MACROH2A1: variants seen among roughly 807,000 people sequenced by gnomAD.
The protein encoded by MACROH2A1 is macroH2A.1 histone.
MACROH2A1 carries 2 observed loss-of-function variants against 31.6 expected under a neutral mutation model. That is an observed-to-expected ratio of 0.06 (90% confidence interval 0.03 to 0.20). The LOEUF is 0.20. Ranked by LOEUF, MACROH2A1 falls within the 10% of genes least tolerant of loss-of-function variation. The pLI is 1.00. For missense variants in MACROH2A1, 230 were observed against 474.0 expected, an observed-to-expected ratio of 0.49 and a Z score of 4.78; for synonymous variants, 169 against 189.6, an observed-to-expected ratio of 0.89 and a Z score of 0.89.
intron 2 of MACROH2A1, among the ~76,000 whole-genome samples, chr5:135,383,574 C>A (rs1465370124): frequency 6.6e-6 from 1 of 152,100 alleles, no homozygotes; most frequent in Non-Finnish European, 1.5e-5. Flanking sequence ...AAGCCCCTGG[C>A]TCCTTTCCCG....
chr5:135,343,394 C>T lies in MACROH2A1; in HGVS notation c.819G>A (p.Val273=), dbSNP rs1282939441. 1 of 1,614,126 alleles carries T rather than the reference C, an allele frequency of 6.2e-7. No individual in the cohort carries two copies. Among genetic ancestry groups the T allele is most frequent in the Non-Finnish European group, 8.5e-7 (1 of 1,180,058 alleles). ...CCCAAACTGGACTATTACAGTGGATCACAAACTTGGCAGGCAGGCCATGGC... is the reference window on the plus strand; with the variant it reads ...CCCAAACTGGACTATTACAGTGGATTACAAACTTGGCAGGCAGGCCATGGC... The part of the protein sequence containing the change: ...SAGHGLPAKF[V]IHCNSPVWGA... Residue 273 remains valine, a synonymous_variant, in exon 8 of 9, where the codon GTG becomes GTA. Transcript: ENST00000511689.
chr5:135,334,940 G>C lies in MACROH2A1; in HGVS notation c.*36C>G, dbSNP rs1758399863. ...TTTTTTTTCTTTTAAACTGAAGGTG[G>C]GGTACATGGTGCAGCTGGTTCTGTC... On this transcript the variant is annotated 3_prime_UTR_variant, in exon 9 of 9. Transcript: ENST00000511689. The C allele has an allele frequency of 1.9e-6, 3 of 1,567,160 alleles. No homozygotes were observed. The highest frequency in any genetic ancestry group is 8.7e-7 in the Non-Finnish European group (1 of 1,145,310).
At chr5:135,351,010 G>C (rs1761464551) in intron 6 of MACROH2A1, 1 of 785,908 alleles carries the variant, frequency 1.3e-6, no homozygotes, top group Non-Finnish European at 2.1e-6. Flanking sequence ...GGCCTACCTG[G>C]TCGATTCCAA....
intron 2 of MACROH2A1, among the ~76,000 whole-genome samples, chr5:135,384,905 T>C (rs2149934903): frequency 6.6e-6 from 1 of 152,264 alleles, no homozygotes; most frequent in Non-Finnish European, 1.5e-5. Flanking sequence ...ATGCCCATAC[T>C]CTAAACCACC....
At chr5:135,335,706 C>T (rs1444217363) in intron 8 of MACROH2A1, among the ~76,000 whole-genome samples, 1 of 152,150 alleles carries the variant, frequency 6.6e-6, no homozygotes, top group Admixed American at 6.5e-5. Context: ...GGCTATCATC[C>T]AAGTTTCCAA....
Position 135,370,020 on chromosome 5 carries a change from TG to T in MACROH2A1, c.279+15del. 1 of 1,515,328 alleles carries T rather than the reference TG, an allele frequency of 6.6e-7. No homozygotes were observed. Among genetic ancestry groups the T allele is most frequent in the Non-Finnish European group, 9.2e-7 (1 of 1,090,916 alleles). 93.9% of individuals were successfully genotyped at this position (1,515,328 alleles called of 1,614,324 possible). The stretch of plus-strand genomic sequence containing the variant: ...CACCTGCTCAAACATCAGTGGGAGA[TG>T]GGAGAGGCCCATACCTGATTCAGCT... On this transcript the variant is annotated intron_variant, in intron 3 of 8. Transcript: ENST00000511689.
At chr5:135,363,175 C>T (rs757764740) in intron 4 of MACROH2A1, among the ~76,000 whole-genome samples, 1 of 151,684 alleles carries the variant, frequency 6.6e-6, no homozygotes, top group Non-Finnish European at 1.5e-5. Context: ...CACAGCAAAA[C>T]CCCACTGCTA....
chr5:135,359,496 C>T (rs769918012), intron 5 of MACROH2A1: 4 of 983,952 alleles, frequency 4.1e-6, no homozygotes, highest in Non-Finnish European at 3.6e-6. Context: ...AAAATGTAAA[C>T]AGTAATGGTT....
At chr5:135,355,454 G>A (rs887636230) in intron 5 of MACROH2A1, 3 of 342,950 alleles carry the variant, frequency 8.7e-6, no homozygotes, top group Non-Finnish European at 1.7e-5. Context: ...ACTATGCTCT[G>A]CTATGCACTG....
chr5:135,393,175 G>C (rs1767488754), intron 1 of MACROH2A1, among the ~76,000 whole-genome samples: 1 of 152,116 alleles, frequency 6.6e-6, no homozygotes, highest in Non-Finnish European at 1.5e-5. Context: ...CTCCCATCTT[G>C]TTACTCTCAC....
intron 6 of MACROH2A1, among the ~76,000 whole-genome samples, chr5:135,350,480 T>C (rs570955261): frequency 1.3e-5 from 2 of 152,164 alleles, no homozygotes; most frequent in Non-Finnish European, 2.9e-5. Flanking sequence ...GTCTTGGTTG[T>C]CACTCAGTCC....
intron 8 of MACROH2A1, among the ~76,000 whole-genome samples, chr5:135,337,668 A>G (rs1758999741): frequency 6.6e-6 from 1 of 152,274 alleles, no homozygotes; most frequent in African/African-American, 2.4e-5. Context: ...GCTGTTCTAC[A>G]AATAGCCAGC....
chr5:135,394,412 T>C (rs1467589744), intron 1 of MACROH2A1, among the ~76,000 whole-genome samples: 1 of 152,084 alleles, frequency 6.6e-6, no homozygotes, highest in Non-Finnish European at 1.5e-5. Context: ...GACTCCAACC[T>C]TGTGCACAGG....
At chr5:135,339,460 A>G (rs1174567737) in intron 8 of MACROH2A1, among the ~76,000 whole-genome samples, 1 of 152,176 alleles carries the variant, frequency 6.6e-6, no homozygotes, top group Admixed American at 6.5e-5. Context: ...GGTATGCAGC[A>G]AATCCAGGCT....
chr5:135,388,817 G>T, intron 2 of MACROH2A1, 105 bp downstream of exon 2: 1 of 946,166 alleles, frequency 1.1e-6, no homozygotes, highest in Non-Finnish European at 1.6e-6. Context: ...TTTTCTGTAG[G>T]TTTGAGCTGT....
At chr5:135,361,813 C>G (rs1005670067) in intron 4 of MACROH2A1, 1 of 152,210 alleles carries the variant, frequency 6.6e-6, no homozygotes, top group African/African-American at 2.4e-5. Flanking sequence ...AAAGTAAGGT[C>G]TACTTTTGCT....
intron 8 of MACROH2A1, among the ~76,000 whole-genome samples, chr5:135,337,631 C>G (rs1410504420): frequency 1.3e-5 from 2 of 152,258 alleles, no homozygotes; most frequent in East Asian, 3.8e-4. Flanking sequence ...CAGTTTGATT[C>G]AGCAGGTCTA....
chr5:135,358,943 G>T (rs994406101), intron 5 of MACROH2A1: 2 of 985,270 alleles, frequency 2.0e-6, no homozygotes, highest in Non-Finnish European at 2.4e-6. Context: ...TGTGGTGTTT[G>T]CCCCCTCCCC....
At chr5:135,373,844 T>C (rs1764505181) in intron 2 of MACROH2A1, among the ~76,000 whole-genome samples, 1 of 152,126 alleles carries the variant, frequency 6.6e-6, no homozygotes, top group Admixed American at 6.5e-5. Context: ...CTGTGTCAAG[T>C]AGGGATAACA....
Sources: allele counts gnomAD v4.1 joint callset (sites outside exome capture counted in the v4.1 genomes callset), GRCh38; gene constraint gnomAD v4.1.1; transcripts MANE v1.5; gene names NCBI Gene and HGNC (gene_info 2026-07-23, HGNC 2026-07-21).